The following TMEM259 variants were observed in gnomAD, a reference collection of about 807,000 sequenced individuals.
TMEM259 encodes transmembrane protein 259.
TMEM259 carries 26 observed loss-of-function variants against 46.7 expected under a neutral mutation model. The ratio of observed to expected loss-of-function variants is 0.56; its 90% CI spans 0.41 to 0.77. TMEM259 has a LOEUF of 0.77. Among genes scored for constraint, TMEM259 ranks in the 30% least tolerant of loss-of-function variants. The probability of loss-of-function intolerance (pLI) is 0.00; values close to 1 mark genes in which losing one functional copy is unlikely to be tolerated. For synonymous variants in TMEM259, 494 were observed against 395.1 expected (o/e 1.25, Z -2.97); for missense variants, 930 against 900.5 (o/e 1.03, Z -0.42).
intron 2 of TMEM259, 105 bp from the exon 3 acceptor site, chr19:1,013,445 C>A: frequency 8.5e-7 from 1 of 1,177,460 alleles, no homozygotes; most frequent in Non-Finnish European, 1.2e-6. Context: ...AAGCCTCAGC[C>A]TCTGCCCCAC....
chr19:1,017,346 TG>T, intron 1 of TMEM259: 1 of 399,376 alleles, frequency 2.5e-6, no homozygotes, highest in Non-Finnish European at 4.4e-6. Flanking sequence ...TCGCATGCCC[TG>T]GGTGGTCCAG....
At position 1,010,186 on chromosome 19, in the gene TMEM259, G is replaced by A; in HGVS notation, c.*164C>T. 1.6e-6 allele frequency: 1 copy of A among 641,730 alleles called. No homozygotes were observed. Among genetic ancestry groups the A allele is most frequent in the Non-Finnish European group, 2.5e-6 (1 of 403,266 alleles). The allele number at this position is 641,730 out of a possible 1,614,324, so 39.8% of individuals were successfully genotyped here. On this transcript the variant is annotated 3_prime_UTR_variant, in exon 11 of 11. Coordinates refer to ENST00000356663, the MANE Select transcript of TMEM259 (RefSeq NM_001033026.2). The stretch of plus-strand genomic sequence containing the variant: ...AAGCCTCGGGCGCGACCTCACACCA[G>A]GGGGAGGAAAGCCGCCTTCCGGGCA...
chr19:1,018,397 C>A (rs1372140803), intron 1 of TMEM259, among the ~76,000 whole-genome samples: 1 of 152,198 alleles, frequency 6.6e-6, no homozygotes. Context: ...CCTAAAGCCA[C>A]CCAGGCATGG....
Position 1,009,700 on chromosome 19 carries a change from C to A in TMEM259, c.*650G>T. On this transcript the variant is annotated 3_prime_UTR_variant, in exon 11 of 11. Transcript: ENST00000356663. ...CTATATACAAACACAATTTTGTACA[C>A]TGCAATTAAATAGAATGGAATGAGC... 9.8e-7 allele frequency: 1 copy of A among 1,022,900 alleles called. No individual in the cohort carries two copies. Among genetic ancestry groups the A allele is most frequent in the Non-Finnish European group, 1.3e-6 (1 of 765,862 alleles). The allele number at this position is 1,022,900 out of a possible 1,614,324, so 63.4% of individuals were successfully genotyped here.
rs555802063 is a variant in TMEM259, at chr19:1,011,880, C to T, written c.942+12G>A. The T allele has an allele frequency of 1.1e-5, 17 of 1,605,682 alleles. No individual in the cohort carries two copies. The highest frequency in any genetic ancestry group is 4.5e-5 in the East Asian group (2 of 44,632). ...GCCCGGCCAGCCCCCGCACCCGCCCCGAGGCACTCACGAAGATGACCATGA... is the reference window on the plus strand; with the variant it reads ...GCCCGGCCAGCCCCCGCACCCGCCCTGAGGCACTCACGAAGATGACCATGA... On this transcript the variant is annotated intron_variant, in intron 6 of 10. Transcript: ENST00000356663.
intron 1 of TMEM259, among the ~76,000 whole-genome samples, chr19:1,016,382 G>A (rs781639423): frequency 7.9e-5 from 12 of 152,170 alleles, no homozygotes; most frequent in African/African-American, 2.4e-4. Flanking sequence ...GGTGGGTCAC[G>A]GTCAGAGACA....
chr19:1,016,654 G>T (rs890810431), intron 1 of TMEM259, among the ~76,000 whole-genome samples: 4 of 152,198 alleles, frequency 2.6e-5, no homozygotes, highest in African/African-American at 9.7e-5. Context: ...TGACACAGAG[G>T]TCCCGACAGA....
At chr19:1,015,747 G>A (rs2039086355) in intron 1 of TMEM259, among the ~76,000 whole-genome samples, 1 of 152,176 alleles carries the variant, frequency 6.6e-6, no homozygotes, top group African/African-American at 2.4e-5. Context: ...CTGCTGGCAG[G>A]TGCACCAATG....
chr19:1,018,095 T>C (rs909555803), intron 1 of TMEM259, among the ~76,000 whole-genome samples: 5 of 152,224 alleles, frequency 3.3e-5, no homozygotes, highest in African/African-American at 1.2e-4. Context: ...CCCTTCACCC[T>C]GTGGGCATCC....
At position 1,011,408 on chromosome 19, in the gene TMEM259, G is replaced by A; in HGVS notation, c.1176C>T (p.Ala392=). The change falls in exon 9 of 11, where the codon GCC becomes GCT. Residue 392 remains alanine, a synonymous_variant. Coordinates refer to ENST00000356663, the MANE Select transcript of TMEM259 (RefSeq NM_001033026.2). ...TGCTGGTGCTGGTGTGGCAGCAGATGGCGTCATACTGGTCCGCGAGCCACA... is the reference window on the plus strand; with the variant it reads ...TGCTGGTGCTGGTGTGGCAGCAGATAGCGTCATACTGGTCCGCGAGCCACA... ...LIVWLADQYD[A]ICCHTSTSKR... is the part of the protein sequence containing the mutation. 1 of 1,564,706 alleles carries A rather than the reference G, an allele frequency of 6.4e-7. No homozygotes were observed. The highest frequency in any genetic ancestry group is 8.6e-7 in the Non-Finnish European group (1 of 1,157,506).
At position 1,010,874 on chromosome 19, in the gene TMEM259, GGAA is replaced by G. The variant is rs1286592405; in HGVS notation, c.1336_1338del (p.Phe446del). ...AGGATGGCAGGCAGCTCGTAGTGGT[GGAA>G]GAAGTAGATCATGGAATGCTGCGGG... On this transcript the variant is annotated inframe_deletion, in exon 11 of 11. Coordinates refer to ENST00000356663, the MANE Select transcript of TMEM259 (RefSeq NM_001033026.2). 5 of 1,590,290 alleles carry G rather than the reference GGAA, an allele frequency of 3.1e-6. No individual in the cohort carries two copies. Among genetic ancestry groups the G allele is most frequent in the African/African-American group, 1.3e-5 (1 of 74,592 alleles).
Position 1,010,471 on chromosome 19 carries a change from TG to T in TMEM259, c.1741del (p.Gln581ArgfsTer21). On this transcript the variant is annotated frameshift_variant, in exon 11 of 11. Transcript: ENST00000356663. LOFTEE classifies it low-confidence loss of function (END_TRUNC). ...GPAGGLPHAP[Q>X]DSVPPSDSAA... ...GGAGTCACTCGGGGGGACACTGTCC[TG>T]GGGGGCGTGGGGGAGGCCCCCAGCA... 1 of 1,545,284 alleles carries T rather than the reference TG, an allele frequency of 6.5e-7. No homozygotes were observed. The highest frequency in any genetic ancestry group is 8.7e-7 in the Non-Finnish European group (1 of 1,145,354).
Position 1,011,951 on chromosome 19 carries a change from C to CA in TMEM259, c.882dup (p.Val295CysfsTer97). ...GACGTCCGCGCCATCCACATGCTCA[C>CA]AAAGCGGTAGTGCTCGCCCGACACC... is the stretch of plus-strand genomic sequence containing the variant. On this transcript the variant is annotated frameshift_variant, in exon 6 of 11. Coordinates refer to ENST00000356663, the MANE Select transcript of TMEM259 (RefSeq NM_001033026.2). LOFTEE classifies it high-confidence loss of function. 1 of 1,612,380 alleles carries CA rather than the reference C, an allele frequency of 6.2e-7. No homozygotes were observed. The highest frequency in any genetic ancestry group is 8.5e-7 in the Non-Finnish European group (1 of 1,179,668).
chr19:1,018,401 G>A (rs138005586), intron 1 of TMEM259, among the ~76,000 whole-genome samples: 1 of 152,316 alleles, frequency 6.6e-6, no homozygotes, highest in African/African-American at 2.4e-5. Flanking sequence ...AAGCCACCCA[G>A]GCATGGGTGA....
chr19:1,020,156 C>T lies in TMEM259; in HGVS notation c.225+616G>A, dbSNP rs1161525639. Among the ~76,000 whole-genome samples the T allele has an allele frequency of 9.2e-5, 14 of 152,032 alleles. No homozygotes were observed. Among genetic ancestry groups the T allele is most frequent in the Admixed American group, 9.2e-4 (14 of 15,268 alleles). Reference sequence around the variant, plus strand: ...CTGCTGCCGGTGACTTTGCCGCTAACCCTAGCGAGGTGACCTCAGCTAAGT... The same window carrying T: ...CTGCTGCCGGTGACTTTGCCGCTAATCCTAGCGAGGTGACCTCAGCTAAGT... On this transcript the variant is annotated intron_variant, in intron 1 of 10. Transcript: ENST00000356663. The surrounding 1 kb of genome is among the most constrained non-coding windows in gnomAD (Gnocchi z 4.0).
chr19:1,014,682 G>C (rs998467335), intron 1 of TMEM259, among the ~76,000 whole-genome samples: 1 of 152,220 alleles, frequency 6.6e-6, no homozygotes, highest in African/African-American at 2.4e-5. Context: ...CCAAGTGACT[G>C]AGGATCCGGG....
Position 1,014,371 on chromosome 19 carries a change from T to C in TMEM259, c.328A>G (p.Ile110Val), listed in dbSNP as rs1261939479. The change falls in exon 2 of 11, where the codon ATC becomes GTC. Residue 110 changes from isoleucine to valine, a missense_variant. Coordinates refer to ENST00000356663, the MANE Select transcript of TMEM259 (RefSeq NM_001033026.2). The stretch of plus-strand genomic sequence containing the variant: ...TTGTGCCGCACTTCCACACGCAGGA[T>C]GCCCTCACGCGGCCACTTGTCACGC... ...HVRDKWPREGILRVEVRHNSS... is the reference protein window; with the variant it reads ...HVRDKWPREGVLRVEVRHNSS... 1.2e-6 allele frequency: 2 copies of C among 1,612,916 alleles called. No homozygotes were observed. The highest frequency in any genetic ancestry group is 8.5e-7 in the Non-Finnish European group (1 of 1,179,872).
Position 1,010,385 on chromosome 19 carries a change from C to G in TMEM259, c.1828G>C (p.Ala610Pro). Residue 610 changes from alanine (A) to proline (P), a missense_variant, in exon 11 of 11, where the codon GCC (alanine) becomes CCC (proline). Physicochemically the swap from Ala to Pro is conservative, Grantham distance 27 (BLOSUM62 -1). Coordinates refer to ENST00000356663, the MANE Select transcript of TMEM259 (RefSeq NM_001033026.2). The part of the protein sequence containing the change: ...AVGGPSPASM[A>P]PTEAPSEVGS ...ACCTCCGAGGGCGCCTCCGTTGGGG[C>G]CATGGAGGCCGGGCTAGGCCCGCCT... is the stretch of plus-strand genomic sequence containing the variant. 6.6e-7 allele frequency: 1 copy of G among 1,508,554 alleles called. No homozygotes were observed. Among genetic ancestry groups the G allele is most frequent in the South Asian group, 1.3e-5 (1 of 77,052 alleles). 93.4% of individuals were successfully genotyped at this position (1,508,554 alleles called of 1,614,324 possible).
chr19:1,010,969 C>T, intron 10 of TMEM259, 74 bp from the exon 11 acceptor site: 2 of 1,552,992 alleles, frequency 1.3e-6, no homozygotes, highest in East Asian at 2.4e-5. Flanking sequence ...GAGGGCAGCC[C>T]ACCCGGGACC....
Sources: gnomAD v4.1 joint callset for allele counts (sites outside exome capture counted in the v4.1 genomes callset) on GRCh38, gnomAD v4.1.1 for gene constraint, Gnocchi (gnomAD v3.1) non-coding constraint, MANE v1.5 for transcripts, NCBI Gene and HGNC (gene_info 2026-07-23, HGNC 2026-07-21) for gene names.